Variants in SUGT1 observed in about 807,000 individuals in gnomAD.
SUGT1 encodes the protein SGT1 assembly cochaperone of MIS12 kinetochore complex.
SUGT1 carries 15 observed loss-of-function variants against 56.1 expected under a neutral mutation model. The observed-to-expected ratio is 0.27, with a 90% CI of 0.18 to 0.41. The LOEUF is 0.41. Ranked by LOEUF, SUGT1 falls within the 10% of genes least tolerant of loss-of-function variation. The pLI is 1.00. For missense variants in SUGT1, 347 were observed against 382.2 expected (o/e 0.91, Z 0.77); for synonymous variants, 123 against 128.6 (o/e 0.96, Z 0.30).
chr13:52,669,564 T>TA (rs1395172933), intron 10 of SUGT1, among the ~76,000 whole-genome samples: 1 of 152,222 alleles, frequency 6.6e-6, no homozygotes, highest in Non-Finnish European at 1.5e-5. Context: ...GAGACGTAGA[T>TA]ACACTTCTGA....
At chr13:52,666,984 A>T in intron 10 of SUGT1, 65 bp downstream of exon 10, 1 of 1,068,690 alleles carries the variant, frequency 9.4e-7, no homozygotes, top group Non-Finnish European at 1.4e-6. Flanking sequence ...TGGTGAACTA[A>T]TCACCCATGT....
In SUGT1 at chr13:52,680,088, A is replaced by G. The variant is rs1367264954; in HGVS notation, c.833A>G (p.Asn278Ser). 1 of 1,596,456 alleles carries G rather than the reference A, an allele frequency of 6.3e-7. No individual in the cohort carries two copies. The highest frequency in any genetic ancestry group is 8.5e-7 in the Non-Finnish European group (1 of 1,175,454). Reference sequence around the variant, plus strand: ...AAGTTGGAGGGAGATGCAGCTTTAAACAGATTATTTCAGCAGATCTATTCA... The same window carrying G: ...AAGTTGGAGGGAGATGCAGCTTTAAGCAGATTATTTCAGCAGATCTATTCA... ...NEKLEGDAALNRLFQQIYSDG... is the reference protein window; with the variant it reads ...NEKLEGDAALSRLFQQIYSDG... Residue 278 changes from asparagine to serine, a missense_variant, in exon 12 of 13, where the codon AAC (asparagine) becomes AGC (serine). By Grantham distance (46) the Asn-to-Ser change is conservative. Transcript: ENST00000310528.
At chr13:52,673,558 G>C (rs540733562) in intron 10 of SUGT1, among the ~76,000 whole-genome samples, 1 of 152,302 alleles carries the variant, frequency 6.6e-6, no homozygotes, top group Admixed American at 6.5e-5. Flanking sequence ...GCTTTATAAA[G>C]TCCTCTTTGT....
chr13:52,652,915 C>G lies in SUGT1; in HGVS notation c.-6C>G, dbSNP rs770514099. ...GCTCCGGCGGCAGCAACAGCGACTA[C>G]GAGGGATGGCGGCGGCTGCAGCAGG... On this transcript the variant is annotated 5_prime_UTR_variant, in exon 1 of 13. Transcript: ENST00000310528. 9.9e-6 allele frequency: 16 copies of G among 1,613,602 alleles called. No individual in the cohort carries two copies. Among genetic ancestry groups the G allele is most frequent in the Non-Finnish European group, 1.3e-5 (15 of 1,179,766 alleles).
rs372500248 is a variant in SUGT1 at position 52,680,002 on chromosome 13, T to C, written c.747T>C (p.Ser249=). 4 of 1,598,362 alleles carry C rather than the reference T, an allele frequency of 2.5e-6. No individual in the cohort carries two copies. The African/African-American group carries it at 4.1e-5, about 16-fold the overall frequency. The change falls in exon 12 of 13, where the codon TCT becomes TCC. Residue 249 remains serine, a synonymous_variant. Transcript: ENST00000310528. ...ADVKNLYPSS[S]PYTRNWDKLV... The stretch of plus-strand genomic sequence containing the variant: ...TAAAGAACCTATATCCATCATCATC[T>C]CCTTATACAAGAAATTGGGATAAAT...
rs1963758564 is a variant in SUGT1 at position 52,690,973 on chromosome 13, G to A, written c.*3138G>A. 6.6e-6 allele frequency: 1 copy of A among 152,324 alleles called. No homozygotes were observed. Among genetic ancestry groups the A allele is most frequent in the South Asian group, 2.1e-4 (1 of 4,828 alleles). 9.4% of individuals were successfully genotyped at this position (152,324 alleles called of 1,614,324 possible). A position where few individuals can be genotyped will look rare whatever the true frequency, so the allele number is the denominator to read the frequency against. On this transcript the variant is annotated 3_prime_UTR_variant, in exon 13 of 13. Coordinates refer to ENST00000310528, the MANE Select transcript of SUGT1 (RefSeq NM_006704.5). Reference sequence around the variant, plus strand: ...TGTAGCCTCCAACTCCTAGGCTCAAGTAATCCTCTTTCCTCGGCTTCCCAA... The same window carrying A: ...TGTAGCCTCCAACTCCTAGGCTCAAATAATCCTCTTTCCTCGGCTTCCCAA...
rs1962788349 is a variant in SUGT1 at position 52,668,049 on chromosome 13, TC to T, written c.627+1131del. The stretch of plus-strand genomic sequence containing the variant: ...TGGAGTGCAGTGCTGTGATCTCAGC[TC>T]ACTGCAACCTCCGCCTTCTTGAATC... On this transcript the variant is annotated intron_variant, in intron 10 of 12. Coordinates refer to ENST00000310528, the MANE Select transcript of SUGT1 (RefSeq NM_006704.5). 7.2e-5 allele frequency among the ~76,000 whole-genome samples: 11 copies of T among 152,170 alleles called. No homozygotes were observed. The South Asian group carries it at 2.3e-3, about 32-fold the overall frequency.
At chr13:52,658,543 A>G (rs1424871861) in intron 4 of SUGT1, 75 bp downstream of exon 4, 2 of 1,378,940 alleles carry the variant, frequency 1.5e-6, no homozygotes, top group Non-Finnish European at 2.0e-6. Context: ...AGTTCATTGC[A>G]AGCTTTATAT....
rs376138535 is a variant in SUGT1 at position 52,653,004 on chromosome 13, C to G, written c.39-42C>G. On this transcript the variant is annotated intron_variant, in intron 1 of 12. Coordinates refer to ENST00000310528, the MANE Select transcript of SUGT1 (RefSeq NM_006704.5). ...TTGGTATTTATTTTATCCCCCTTTC[C>G]TTGGCTAGTGAGCCCTGCTGAAGTC... The G allele has an allele frequency of 1.2e-5, 19 of 1,614,048 alleles. No homozygotes were observed. In the African/African-American group the frequency reaches 2.4e-4, roughly 20 times the overall value.
Position 52,676,287 on chromosome 13 carries a change from G to T in SUGT1, c.685G>T (p.Gly229Ter). ...AVRWEKLEGQ[G>*]DVPTPKQFVA... ...GAGATGGGAAAAGCTAGAGGGGCAA[G>T]GAGATGTGCCTACGCCAAAACAATT... The change falls in exon 11 of 13, where the codon GGA becomes TGA. Residue 229 changes from glycine (G) to a stop codon, truncating the protein, a stop_gained. Transcript: ENST00000310528. LOFTEE classifies it high-confidence loss of function. The T allele has an allele frequency of 6.2e-7, 1 of 1,613,252 alleles. No homozygotes were observed. Among genetic ancestry groups the T allele is most frequent in the Non-Finnish European group, 8.5e-7 (1 of 1,179,530 alleles).
chr13:52,690,493 T>C lies in SUGT1; in HGVS notation c.*2658T>C, dbSNP rs1963746324. ...AAATGTTTCCTTTCCCTTTTAAGGT[T>C]AGTCCTGGAATACATGTTTTTCTTG... is the stretch of plus-strand genomic sequence containing the variant. On this transcript the variant is annotated 3_prime_UTR_variant, in exon 13 of 13. Coordinates refer to ENST00000310528, the MANE Select transcript of SUGT1 (RefSeq NM_006704.5). 1 of 152,226 alleles carries C rather than the reference T, an allele frequency of 6.6e-6. No individual in the cohort carries two copies. Among genetic ancestry groups the C allele is most frequent in the Admixed American group, 6.5e-5 (1 of 15,282 alleles). The allele number at this position is 152,226 out of a possible 1,614,324, so 9.4% of individuals were successfully genotyped here. A position where few individuals can be genotyped will look rare whatever the true frequency, so the allele number is the denominator to read the frequency against.
chr13:52,683,616 A>G (rs964879228), intron 12 of SUGT1, among the ~76,000 whole-genome samples: 4 of 152,202 alleles, frequency 2.6e-5, no homozygotes, highest in African/African-American at 9.6e-5. Flanking sequence ...ATTAGGAAGC[A>G]TTGCATCCTC....
At chr13:52,659,789 AATATATATATATAT>A (rs1213211180) in intron 5 of SUGT1, among the ~76,000 whole-genome samples, 3 of 48,974 alleles carry the variant, frequency 6.1e-5, no homozygotes, top group African/African-American at 2.0e-4. Flanking sequence ...GAGAGTCAAG[AATATATATATATAT>A]ATATATATAT....
chr13:52,696,325 A>G lies in SUGT1; in HGVS notation c.*8490A>G, dbSNP rs1286189996. 6.6e-6 allele frequency: 1 copy of G among 152,214 alleles called. No homozygotes were observed. Among genetic ancestry groups the G allele is most frequent in the East Asian group, 1.9e-4 (1 of 5,198 alleles). 9.4% of individuals were successfully genotyped at this position (152,214 alleles called of 1,614,324 possible). A position where few individuals can be genotyped will look rare whatever the true frequency, so the allele number is the denominator to read the frequency against. On this transcript the variant is annotated 3_prime_UTR_variant, in exon 13 of 13. Coordinates refer to ENST00000310528, the MANE Select transcript of SUGT1 (RefSeq NM_006704.5). Reference sequence around the variant, plus strand: ...TCCCCTCTCCATGCCCTCTACTGAAATGCATTGCCACTCTAGTTGTGATGT... The same window carrying G: ...TCCCCTCTCCATGCCCTCTACTGAAGTGCATTGCCACTCTAGTTGTGATGT...
At position 52,690,585 on chromosome 13, in the gene SUGT1, C is replaced by T. The variant is rs1357609017; in HGVS notation, c.*2750C>T. The T allele has an allele frequency of 6.6e-6, 1 of 152,166 alleles. No homozygotes were observed. The highest frequency in any genetic ancestry group is 6.5e-5 in the Admixed American group (1 of 15,270). 9.4% of individuals were successfully genotyped at this position (152,166 alleles called of 1,614,324 possible). A position where few individuals can be genotyped will look rare whatever the true frequency, so the allele number is the denominator to read the frequency against. ...CACCTTGATGAATCCAGAATTCTCC[C>T]ACTGTCTTCAAAGAATCTTGAATAG... is the stretch of plus-strand genomic sequence containing the variant. On this transcript the variant is annotated 3_prime_UTR_variant, in exon 13 of 13. Coordinates refer to ENST00000310528, the MANE Select transcript of SUGT1 (RefSeq NM_006704.5).
At chr13:52,667,186 A>G (rs1962743159) in intron 10 of SUGT1, among the ~76,000 whole-genome samples, 1 of 152,218 alleles carries the variant, frequency 6.6e-6, no homozygotes, top group African/African-American at 2.4e-5. Context: ...GTTTTTTTAA[A>G]AAGATACAAT....
chr13:52,661,786 G>C (rs1171856274), intron 5 of SUGT1, among the ~76,000 whole-genome samples: 1 of 152,152 alleles, frequency 6.6e-6, no homozygotes, highest in African/African-American at 2.4e-5. Context: ...TACAGTGTGT[G>C]TGAGAGTGTA....
At chr13:52,679,607 T>A (rs912481882) in intron 11 of SUGT1, among the ~76,000 whole-genome samples, 1 of 152,184 alleles carries the variant, frequency 6.6e-6, no homozygotes, top group Admixed American at 6.5e-5. Context: ...TTTAGAATTG[T>A]TCGTACTGTC....
chr13:52,691,081 C>T lies in SUGT1; in HGVS notation c.*3246C>T, dbSNP rs1167680708. 2 of 152,042 alleles carry T rather than the reference C, an allele frequency of 1.3e-5. No individual in the cohort carries two copies. Among genetic ancestry groups the T allele is most frequent in the African/African-American group, 2.4e-5 (1 of 41,346 alleles). 9.4% of individuals were successfully genotyped at this position (152,042 alleles called of 1,614,324 possible). On this transcript the variant is annotated 3_prime_UTR_variant, in exon 13 of 13. Coordinates refer to ENST00000310528, the MANE Select transcript of SUGT1 (RefSeq NM_006704.5). ...CACTGTAGCCTTAATCTTTCAGGCT[C>T]AAATGATTCTCCCATCTCAGCCTCC...
Sources: gnomAD v4.1 joint callset for allele counts (sites outside exome capture counted in the v4.1 genomes callset) on GRCh38, gnomAD v4.1.1 for gene constraint, MANE v1.5 for transcripts, NCBI Gene and HGNC (gene_info 2026-07-23, HGNC 2026-07-21) for gene names.